SLC25A33: variants seen among roughly 807,000 people sequenced by gnomAD.
SLC25A33 encodes bone marrow stromal cell mitochondrial carrier protein.
SLC25A33 carries 15 observed loss-of-function variants against 35.5 expected under a neutral mutation model. The ratio of observed to expected loss-of-function variants is 0.42; its 90% CI spans 0.28 to 0.65. The LOEUF (loss-of-function observed/expected upper bound fraction) is 0.65. Among genes scored for constraint, SLC25A33 ranks in the 30% least tolerant of loss-of-function variants. The probability of loss-of-function intolerance (pLI) is 0.20; values close to 1 mark genes in which losing one functional copy is unlikely to be tolerated. For missense variants in SLC25A33, 257 were observed against 398.5 expected, an observed-to-expected ratio of 0.64 and a Z score of 3.02; for synonymous variants, 136 against 148.7, an observed-to-expected ratio of 0.91 and a Z score of 0.62.
intron 1 of SLC25A33, among the ~76,000 whole-genome samples, chr1:9,545,007 C>T (rs538498166): frequency 4.3e-4 from 65 of 152,020 alleles, no homozygotes; most frequent in Admixed American, 1.3e-3. Context: ...ATAGTAGTAA[C>T]GTTGTAGTTT....
At chr1:9,554,752 C>T (rs187802196) in intron 2 of SLC25A33, among the ~76,000 whole-genome samples, 1 of 152,232 alleles carries the variant, frequency 6.6e-6, no homozygotes, top group East Asian at 1.9e-4. Flanking sequence ...CCTGAGCTAC[C>T]TGCCCATTTT....
At chr1:9,580,854 C>CAAAA (rs200156885) in intron 6 of SLC25A33, among the ~76,000 whole-genome samples, 2 of 139,390 alleles carry the variant, frequency 1.4e-5, no homozygotes, top group African/African-American at 2.8e-5. Flanking sequence ...GACTCTGTCT[C>CAAAA]AAAAAAAAAA....
At chr1:9,580,865 A>AAAAAAT (rs1557539050) in intron 6 of SLC25A33, among the ~76,000 whole-genome samples, 3 of 129,418 alleles carry the variant, frequency 2.3e-5, no homozygotes, top group South Asian at 2.4e-4. Flanking sequence ...AAAAAAAAAA[A>AAAAAAT]AATAATAATA....
At chr1:9,573,227 A>G (rs1216627909) in intron 4 of SLC25A33, 119 bp from the exon 5 acceptor site, 5 of 647,382 alleles carry the variant, frequency 7.7e-6, no homozygotes, top group Admixed American at 5.9e-5. Flanking sequence ...ACTGCTTCCT[A>G]CTGTCTTTTT....
rs200622973 is a variant in SLC25A33 at position 9,579,915 on chromosome 1, A to C, written c.483-39A>C. ...TGTGATGTCTGTGTTCCACCATGAT[A>C]TGTCTCCTTAACAGCCTGTGTTGGT... On this transcript the variant is annotated intron_variant, in intron 5 of 6. Transcript: ENST00000302692. The C allele has an allele frequency of 5.4e-4, 863 of 1,585,570 alleles. 3 individuals carry two copies. Among genetic ancestry groups the C allele is most frequent in the Non-Finnish European group, 7.1e-4 (831 of 1,167,114 alleles).
chr1:9,548,975 C>T (rs1293532752), intron 1 of SLC25A33, among the ~76,000 whole-genome samples: 1 of 152,162 alleles, frequency 6.6e-6, no homozygotes, highest in Admixed American at 6.6e-5. Context: ...GAGGATTTTA[C>T]TATTATTGTC....
chr1:9,576,427 ATGAAG>A, intron 5 of SLC25A33: 1 of 372,898 alleles, frequency 2.7e-6, no homozygotes, highest in South Asian at 2.0e-5. Flanking sequence ...TACTGTGAAA[ATGAAG>A]ACCATTCACA....
intron 2 of SLC25A33, among the ~76,000 whole-genome samples, chr1:9,562,235 C>G (rs1487928218): frequency 2.0e-5 from 3 of 150,902 alleles, no homozygotes; most frequent in African/African-American, 7.3e-5. Context: ...GTAATCCCAG[C>G]TATCCAGGAG....
chr1:9,550,012 T>TATATATATATATATATATATACATA (rs55887722), intron 1 of SLC25A33, among the ~76,000 whole-genome samples: 21 of 33,826 alleles, frequency 6.2e-4, no homozygotes, highest in African/African-American at 1.7e-3. Flanking sequence ...TATATATATA[T>TATATATATATATATATATATACATA]TTTTTTTTTT....
chr1:9,555,157 G>A (rs1045712832), intron 2 of SLC25A33, among the ~76,000 whole-genome samples: 4 of 121,124 alleles, frequency 3.3e-5, no homozygotes, highest in Admixed American at 1.1e-4. Context: ...TCACTCTGTC[G>A]CCCAGGCTGG....
At chr1:9,552,339 C>A (rs1643277827) in intron 1 of SLC25A33, among the ~76,000 whole-genome samples, 1 of 152,110 alleles carries the variant, frequency 6.6e-6, no homozygotes, top group Admixed American at 6.6e-5. Context: ...CCTCAGCCTC[C>A]CCAGTAGCTG....
At chr1:9,561,472 GTC>G (rs1643423659) in intron 2 of SLC25A33, among the ~76,000 whole-genome samples, 1 of 151,974 alleles carries the variant, frequency 6.6e-6, no homozygotes, top group African/African-American at 2.4e-5. Flanking sequence ...GGGAAAATGA[GTC>G]TGGATCCTTC....
rs1461448027 is a variant in SLC25A33, at chr1:9,572,405, A to G, written c.416-941A>G. 2.0e-5 allele frequency among the ~76,000 whole-genome samples: 3 copies of G among 151,938 alleles called. No homozygotes were observed. In the East Asian group the frequency reaches 5.8e-4, roughly 29 times the overall value. ...GGCGAGCGGATCACGAGGTCAGGAGATCGAGACCATCCTGGCTAACACGGT... is the reference window on the plus strand; with the variant it reads ...GGCGAGCGGATCACGAGGTCAGGAGGTCGAGACCATCCTGGCTAACACGGT... On this transcript the variant is annotated intron_variant, in intron 4 of 6. Transcript: ENST00000302692.
intron 2 of SLC25A33, among the ~76,000 whole-genome samples, chr1:9,559,260 C>A (rs1643386714): frequency 6.6e-6 from 1 of 152,174 alleles, no homozygotes. Flanking sequence ...TTCACCACCC[C>A]CTCCAATGGG....
At chr1:9,572,487 G>A (rs964350170) in intron 4 of SLC25A33, among the ~76,000 whole-genome samples, 4 of 151,970 alleles carry the variant, frequency 2.6e-5, no homozygotes, top group African/African-American at 4.8e-5. Flanking sequence ...GCGCGGTGGC[G>A]GGCACCTGTA....
At chr1:9,539,835 G>C in intron 1 of SLC25A33, 88 bp downstream of exon 1, 4 of 1,175,374 alleles carry the variant, frequency 3.4e-6, no homozygotes, top group Non-Finnish European at 4.3e-6. Context: ...TCCCGCGGCG[G>C]TTACCGGCCT....
chr1:9,564,765 T>TATATATATATATATATATATATATATAC (rs59741987), intron 2 of SLC25A33, among the ~76,000 whole-genome samples: 21 of 114,760 alleles, frequency 1.8e-4, no homozygotes, highest in South Asian at 6.3e-4. Flanking sequence ...TATATATATA[T>TATATATATATATATATATATATATATAC]ACACAAAAAT....
rs188797048 is a variant in SLC25A33, at chr1:9,574,822, A to G, written c.482+1410A>G. 4.0e-4 allele frequency among the ~76,000 whole-genome samples: 61 copies of G among 152,312 alleles called. No homozygotes were observed. In the East Asian group the frequency reaches 0.011, roughly 26 times the overall value. On this transcript the variant is annotated intron_variant, in intron 5 of 6. Coordinates refer to ENST00000302692, the MANE Select transcript of SLC25A33 (RefSeq NM_032315.3). ...CCACTATGCTTAGCCCTAAACTCCAATAGTTAACAACTTCAACTATTGGAT... is the reference window on the plus strand; with the variant it reads ...CCACTATGCTTAGCCCTAAACTCCAGTAGTTAACAACTTCAACTATTGGAT...
intron 2 of SLC25A33, among the ~76,000 whole-genome samples, chr1:9,562,076 C>T: frequency 6.9e-6 from 1 of 144,618 alleles, no homozygotes; most frequent in Non-Finnish European, 1.5e-5. Flanking sequence ...GGGCAATATT[C>T]GTGTTTCACG....
Sources: gnomAD v4.1 joint callset for allele counts (sites outside exome capture counted in the v4.1 genomes callset) on GRCh38, gnomAD v4.1.1 for gene constraint, MANE v1.5 for transcripts, NCBI Gene and HGNC (gene_info 2026-07-23, HGNC 2026-07-21) for gene names.